The following GPR176 variants were observed in gnomAD, a reference collection of about 807,000 sequenced individuals.
The protein encoded by GPR176 is G-protein coupled receptor 176.
In GPR176, 26 loss-of-function variants were observed where a neutral mutation model predicts 35.4. The ratio of observed to expected loss-of-function variants is 0.74; its 90% CI spans 0.54 to 1.02. The LOEUF (loss-of-function observed/expected upper bound fraction) is 1.02, where lower values mean the gene tolerates loss of function less well. Ranked by LOEUF, GPR176 falls within the 50% of genes least tolerant of loss-of-function variation. The pLI is 0.00. For missense variants in GPR176, 597 were observed against 665.3 expected, an observed-to-expected ratio of 0.90 and a Z score of 1.13; for synonymous variants, 278 against 271.3, an observed-to-expected ratio of 1.02 and a Z score of -0.24.
chr15:39,894,135 T>C, intron 1 of GPR176, among the ~76,000 whole-genome samples: 2 of 78,112 alleles, frequency 2.6e-5, no homozygotes, highest in Non-Finnish European at 5.3e-5. Flanking sequence ...AGGCGGGGGC[T>C]GACCCCCCCA....
At chr15:39,886,158 G>C (rs528399024) in intron 1 of GPR176, among the ~76,000 whole-genome samples, 2 of 152,018 alleles carry the variant, frequency 1.3e-5, no homozygotes, top group African/African-American at 4.8e-5. Context: ...ACTTGAACCC[G>C]GGAGTAGGAG....
intron 1 of GPR176, among the ~76,000 whole-genome samples, chr15:39,895,722 T>C (rs1054095391): frequency 6.6e-6 from 1 of 152,176 alleles, no homozygotes; most frequent in African/African-American, 2.4e-5. Flanking sequence ...ACACTTAATA[T>C]ATTAAAGCAG....
At chr15:39,834,395 A>T (rs769946486) in intron 1 of GPR176, among the ~76,000 whole-genome samples, 3 of 152,220 alleles carry the variant, frequency 2.0e-5, no homozygotes, top group Non-Finnish European at 4.4e-5. Flanking sequence ...CATCAGAGAT[A>T]CTTTTTTAAA....
At chr15:39,855,050 CAAA>C (rs1158490962) in intron 1 of GPR176, among the ~76,000 whole-genome samples, 7 of 121,742 alleles carry the variant, frequency 5.7e-5, no homozygotes, top group African/African-American at 3.0e-5. Context: ...GACCCTGTCT[CAAA>C]AAAAAAAAAA....
In GPR176 at chr15:39,837,554, T is replaced by C. The variant is rs1171665841; in HGVS notation, c.173-30296A>G. Among the ~76,000 whole-genome samples, 3 of 152,166 alleles carry C rather than the reference T, an allele frequency of 2.0e-5. No homozygotes were observed. In the East Asian group the frequency reaches 5.8e-4, roughly 29 times the overall value. ...GATCCCATGCAAATTTAATCTTCTG[T>C]TTCTCCATTATACTTTGTTTACATT... On this transcript the variant is annotated intron_variant, in intron 1 of 2. Coordinates refer to ENST00000561100, the MANE Select transcript of GPR176 (RefSeq NM_007223.3).
At chr15:39,821,944 T>G (rs1900303074) in intron 1 of GPR176, among the ~76,000 whole-genome samples, 1 of 152,226 alleles carries the variant, frequency 6.6e-6, no homozygotes. Flanking sequence ...GAAATGTCTG[T>G]GAGATTTCCA....
chr15:39,814,394 T>C (rs1899762779), intron 1 of GPR176, among the ~76,000 whole-genome samples: 1 of 152,260 alleles, frequency 6.6e-6, no homozygotes, highest in Non-Finnish European at 1.5e-5. Flanking sequence ...TCATCCCCTC[T>C]TTTATTTAAA....
chr15:39,844,688 A>G (rs1386688454), intron 1 of GPR176, among the ~76,000 whole-genome samples: 6 of 151,962 alleles, frequency 3.9e-5, no homozygotes, highest in African/African-American at 1.4e-4. Context: ...TGGGTTTGCT[A>G]CCTTACAGAG....
At chr15:39,919,296 A>G (rs2033809758) in intron 1 of GPR176, among the ~76,000 whole-genome samples, 1 of 152,158 alleles carries the variant, frequency 6.6e-6, no homozygotes, top group African/African-American at 2.4e-5. Context: ...GTTTTTTTTA[A>G]ATAATCGACA....
intron 1 of GPR176, chr15:39,813,292 T>C (rs1360105907): frequency 2.0e-5 from 3 of 152,254 alleles, no homozygotes; most frequent in African/African-American, 7.2e-5. Flanking sequence ...CTGTCTGGTA[T>C]CACATTCTTT....
chr15:39,855,141 T>A (rs912984179), intron 1 of GPR176, among the ~76,000 whole-genome samples: 2 of 152,072 alleles, frequency 1.3e-5, no homozygotes, highest in African/African-American at 4.8e-5. Flanking sequence ...CAAAGAACTC[T>A]CTTAACAAAG....
intron 1 of GPR176, chr15:39,814,760 T>C (rs1185687450): frequency 1.3e-5 from 2 of 152,228 alleles, no homozygotes; most frequent in African/African-American, 4.8e-5. Context: ...AAAGACAATA[T>C]GGCTGACAGA....
intron 1 of GPR176, among the ~76,000 whole-genome samples, chr15:39,880,148 C>T (rs1432676843): frequency 6.6e-6 from 1 of 152,200 alleles, no homozygotes; most frequent in African/African-American, 2.4e-5. Context: ...GAAATTCACT[C>T]TCTCACCTTC....
intron 1 of GPR176, among the ~76,000 whole-genome samples, chr15:39,877,654 G>A (rs1015703272): frequency 7.3e-5 from 11 of 151,440 alleles, no homozygotes; most frequent in Non-Finnish European, 1.5e-4. Flanking sequence ...TGCACCTCCC[G>A]GGTGCAGGCA....
In GPR176 at chr15:39,800,410, G is replaced by A. The variant is rs920086854; in HGVS notation, c.*722C>T. The A allele has an allele frequency of 2.0e-5, 3 of 152,208 alleles. No homozygotes were observed. Among genetic ancestry groups the A allele is most frequent in the Non-Finnish European group, 2.9e-5 (2 of 68,044 alleles). The allele number at this position is 152,208 out of a possible 1,614,324, so 9.4% of individuals were successfully genotyped here. ...GTGTTTTCCAGCCAACACTGACCCTGACTGGAGGGTGCAGGTGTATCTCTC... is the reference window on the plus strand; with the variant it reads ...GTGTTTTCCAGCCAACACTGACCCTAACTGGAGGGTGCAGGTGTATCTCTC... On this transcript the variant is annotated 3_prime_UTR_variant, in exon 3 of 3. Transcript: ENST00000561100.
chr15:39,917,424 C>G (rs1308528475), intron 1 of GPR176, among the ~76,000 whole-genome samples: 2 of 149,286 alleles, frequency 1.3e-5, no homozygotes, highest in Non-Finnish European at 3.0e-5. Context: ...CAACCTAAGT[C>G]TCCCGGGTTC....
At chr15:39,899,669 T>A (rs985729362) in intron 1 of GPR176, among the ~76,000 whole-genome samples, 1 of 152,210 alleles carries the variant, frequency 6.6e-6, no homozygotes, top group Admixed American at 6.5e-5. Context: ...TTGGATACAC[T>A]AGAATAAATC....
In GPR176 at chr15:39,873,879, T is replaced by C. The variant is rs576046472; in HGVS notation, c.172+45976A>G. Among the ~76,000 whole-genome samples, 178 of 152,170 alleles carry C rather than the reference T, an allele frequency of 1.2e-3. 2 individuals carry two copies. The highest frequency in any genetic ancestry group is 4.1e-3 in the African/African-American group (169 of 41,524). ...CCAAGCAGAAAAGTACAAAGTCAGA[T>C]GGTGAAATTCAAGCTGATAAAAATT... On this transcript the variant is annotated intron_variant, in intron 1 of 2. Coordinates refer to ENST00000561100, the MANE Select transcript of GPR176 (RefSeq NM_007223.3).
At chr15:39,893,181 G>A (rs2032938443) in intron 1 of GPR176, among the ~76,000 whole-genome samples, 1 of 152,070 alleles carries the variant, frequency 6.6e-6, no homozygotes, top group African/African-American at 2.4e-5. Context: ...TAGGACAATA[G>A]TGGAGGGAAG....
Sources: gnomAD v4.1 joint callset for allele counts (sites outside exome capture counted in the v4.1 genomes callset) on GRCh38, gnomAD v4.1.1 for gene constraint, MANE v1.5 for transcripts, NCBI Gene and HGNC (gene_info 2026-07-23, HGNC 2026-07-21) for gene names.